Variants in MAST2 observed in about 807,000 individuals in gnomAD.
MAST2 encodes the protein microtubule associated serine/threonine kinase 2, also known as microtubule-associated serine/threonine-protein kinase 2.
MAST2 carries 70 observed loss-of-function variants against 147.4 expected under a neutral mutation model. The ratio of observed to expected loss-of-function variants is 0.47; its 90% CI spans 0.39 to 0.58. The LOEUF (loss-of-function observed/expected upper bound fraction) is 0.58, where lower values mean the gene tolerates loss of function less well. MAST2 is among the 20% of genes least tolerant of loss of function. MAST2 has a pLI of 0.00. For synonymous variants in MAST2, 869 were observed against 896.8 expected (o/e 0.97, Z 0.55); for missense variants, 2,080 against 2,302.3 (o/e 0.90, Z 1.98).
chr1:46,031,294 TG>T lies in MAST2; in HGVS notation c.2992+6del, dbSNP rs1646654104. On this transcript the variant is annotated splice_donor_5th_base_variant and intron_variant, in intron 23 of 28. Coordinates refer to ENST00000361297, the MANE Select transcript of MAST2 (RefSeq NM_015112.3). This position sits in a 1 kb window ranked among gnomAD's most constrained non-coding sequence, Gnocchi z 4.1. ...CGGAGCAGTGGTTCCAGTCCAGGTATGGCCCAGTGGGCGGCCAAACGACCTA... is the reference window on the plus strand; with the variant it reads ...CGGAGCAGTGGTTCCAGTCCAGGTATGCCCAGTGGGCGGCCAAACGACCTA... The T allele has an allele frequency of 6.5e-7, 1 of 1,541,070 alleles. No homozygotes were observed. Among genetic ancestry groups the T allele is most frequent in the African/African-American group, 1.4e-5 (1 of 73,144 alleles).
intron 5 of MAST2, among the ~76,000 whole-genome samples, chr1:45,985,453 C>T (rs943820207): frequency 6.6e-6 from 1 of 152,220 alleles, no homozygotes; most frequent in African/African-American, 2.4e-5. Context: ...ATTGTGAATA[C>T]ATCTGTCATC....
In MAST2 at chr1:45,803,625, T is replaced by A. The variant is rs1285589634; in HGVS notation, c.-271T>A. ...CGAAGGCTGGCTGTAGGCAGGCGGC[T>A]GAGCCGGCGGCGGGTGGCCTGCCCA... is the stretch of plus-strand genomic sequence containing the variant. On this transcript the variant is annotated 5_prime_UTR_variant, in exon 1 of 29. Coordinates refer to ENST00000361297, the MANE Select transcript of MAST2 (RefSeq NM_015112.3). 1 of 228,664 alleles carries A rather than the reference T, an allele frequency of 4.4e-6. No individual in the cohort carries two copies. Among genetic ancestry groups the A allele is most frequent in the Non-Finnish European group, 8.4e-6 (1 of 118,958 alleles). The allele number at this position is 228,664 out of a possible 1,614,324, so 14.2% of individuals were successfully genotyped here.
At chr1:45,954,699 G>A (rs1407481118) in intron 4 of MAST2, among the ~76,000 whole-genome samples, 1 of 152,176 alleles carries the variant, frequency 6.6e-6, no homozygotes, top group Non-Finnish European at 1.5e-5. Context: ...GTTCCTTGTT[G>A]TGGATCTCAG....
chr1:45,967,098 G>C (rs1273333901), intron 5 of MAST2, among the ~76,000 whole-genome samples: 1 of 151,546 alleles, frequency 6.6e-6, no homozygotes, highest in Non-Finnish European at 1.5e-5. Flanking sequence ...TTTTGAGAGA[G>C]AGTCTCACTC....
At chr1:45,898,955 G>T (rs1649241439) in intron 4 of MAST2, among the ~76,000 whole-genome samples, 1 of 152,088 alleles carries the variant, frequency 6.6e-6, no homozygotes, top group African/African-American at 2.4e-5. Flanking sequence ...CTTTTAACAG[G>T]CCAGATTTCC....
chr1:45,917,692 A>G (rs894663983), intron 4 of MAST2, among the ~76,000 whole-genome samples: 3 of 152,166 alleles, frequency 2.0e-5, no homozygotes, highest in African/African-American at 4.8e-5. Flanking sequence ...GTTGTATTCA[A>G]AATGTCAGGA....
In MAST2 at chr1:46,030,764, G is replaced by T; in HGVS notation, c.2708+3G>T. The T allele has an allele frequency of 1.3e-6, 2 of 1,570,768 alleles. No individual in the cohort carries two copies. The highest frequency in any genetic ancestry group is 1.7e-6 in the Non-Finnish European group (2 of 1,162,890). The stretch of plus-strand genomic sequence containing the variant: ...TGGGTGATTGGCTCCCCTGAGATGT[G>T]AGCACCCAGAGTTCACCCAGGGTGG... On this transcript the variant is annotated splice_donor_region_variant and intron_variant, in intron 22 of 28. Transcript: ENST00000361297.
rs1341744018 is a variant in MAST2, at chr1:46,008,354, A to C, written c.961A>C (p.Lys321Gln). 2.5e-6 allele frequency: 4 copies of C among 1,612,530 alleles called. No homozygotes were observed. The highest frequency in any genetic ancestry group is 3.4e-6 in the Non-Finnish European group (4 of 1,178,620). The change falls in exon 9 of 29, where the codon AAA becomes CAA. Residue 321 changes from lysine to glutamine, a missense_variant. Transcript: ENST00000361297. The part of the protein sequence containing the change: ...SEIIMMNHVY[K>Q]ERFPKATAQM... ...AATAATAATGATGAATCATGTTTAC[A>C]AAGAAAGATTCCCAAAGGTAAGGAT...
intron 3 of MAST2, among the ~76,000 whole-genome samples, chr1:45,868,711 T>C (rs1461981981): frequency 2.6e-5 from 4 of 152,208 alleles, no homozygotes; most frequent in Non-Finnish European, 2.9e-5. Context: ...TGTCATAAAT[T>C]ATGGTCATCT....
chr1:45,878,812 A>T (rs1403749064), intron 3 of MAST2, among the ~76,000 whole-genome samples: 6 of 152,132 alleles, frequency 3.9e-5, no homozygotes, highest in Admixed American at 3.9e-4. Context: ...AAAACGATAA[A>T]ACATTGCTTA....
chr1:45,911,560 T>G (rs1274519985), intron 4 of MAST2, among the ~76,000 whole-genome samples: 1 of 152,172 alleles, frequency 6.6e-6, no homozygotes, highest in Non-Finnish European at 1.5e-5. Context: ...TGCTCCAGTT[T>G]ACCAACTTGG....
intron 19 of MAST2, 97 bp downstream of exon 19, chr1:46,029,664 C>T (rs1471592748): frequency 2.2e-6 from 3 of 1,377,726 alleles, no homozygotes; most frequent in Admixed American, 4.1e-5. Context: ...TTACGGGCAG[C>T]CCCTCTGGAT....
rs761624505 is a variant in MAST2, at chr1:46,022,045, C to T, written c.1386C>T (p.Ile462=). 17 of 1,614,090 alleles carry T rather than the reference C, an allele frequency of 1.1e-5. No individual in the cohort carries two copies. The highest frequency in any genetic ancestry group is 8.9e-5 in the East Asian group (4 of 44,898). The change falls in exon 12 of 29, where the codon ATC becomes ATT. Residue 462 remains isoleucine, a synonymous_variant. Coordinates refer to ENST00000361297, the MANE Select transcript of MAST2 (RefSeq NM_015112.3). ...QGIKCDIPRY[I]VSQLGLTRDP... The stretch of plus-strand genomic sequence containing the variant: ...TTAAATGTGACATTCCCCGCTACAT[C>T]GTTAGCCAGCTGGGCCTCACCCGGG...
In MAST2 at chr1:45,867,002, C is replaced by T. The variant is rs185397695; in HGVS notation, c.469-15362C>T. 7.2e-5 allele frequency among the ~76,000 whole-genome samples: 11 copies of T among 152,228 alleles called. No individual in the cohort carries two copies. The East Asian group carries it at 1.4e-3, about 19-fold the overall frequency. ...CTGACCTCAGGTGATCCACCCGCCTCGGCCTCCCAATTGCTGGGATTGCAG... is the reference window on the plus strand; with the variant it reads ...CTGACCTCAGGTGATCCACCCGCCTTGGCCTCCCAATTGCTGGGATTGCAG... On this transcript the variant is annotated intron_variant, in intron 3 of 28. Transcript: ENST00000361297.
At chr1:45,805,119 G>T (rs148644635) in intron 1 of MAST2, among the ~76,000 whole-genome samples, 1 of 144,414 alleles carries the variant, frequency 6.9e-6, no homozygotes, top group Non-Finnish European at 1.5e-5. Context: ...GCATTATTTC[G>T]GCTCACTGCA....
rs78478084 is a variant in MAST2 at position 46,026,452 on chromosome 1, G to A, written c.1919+637G>A. 2.0e-4 allele frequency among the ~76,000 whole-genome samples: 31 copies of A among 152,252 alleles called. No individual in the cohort carries two copies. In the East Asian group the frequency reaches 5.8e-3, roughly 28 times the overall value. On this transcript the variant is annotated intron_variant, in intron 16 of 28. Coordinates refer to ENST00000361297, the MANE Select transcript of MAST2 (RefSeq NM_015112.3). Reference sequence around the variant, plus strand: ...CATCAAGGGCCCTTTTGTTATATTTGGGTTTTATTCTAAAGGGGCCTAGAG... The same window carrying A: ...CATCAAGGGCCCTTTTGTTATATTTAGGTTTTATTCTAAAGGGGCCTAGAG...
chr1:45,879,548 G>T lies in MAST2; in HGVS notation c.469-2816G>T, dbSNP rs371447277. Among the ~76,000 whole-genome samples, 460 of 141,822 alleles carry T rather than the reference G, an allele frequency of 3.2e-3. 2 individuals carry two copies. Among genetic ancestry groups the T allele is most frequent in the African/African-American group, 0.011 (416 of 37,952 alleles). 93.0% of individuals were successfully genotyped at this position (141,822 alleles called of 152,430 possible). A position where few individuals can be genotyped will look rare whatever the true frequency, so the allele number is the denominator to read the frequency against. On this transcript the variant is annotated intron_variant, in intron 3 of 28. Coordinates refer to ENST00000361297, the MANE Select transcript of MAST2 (RefSeq NM_015112.3). ...AGATTGCACCACTGCGCTCCAGCCT[G>T]GGTGACAGAGCGAGACTCCATCTCA...
At chr1:45,940,900 T>C (rs1395650809) in intron 4 of MAST2, among the ~76,000 whole-genome samples, 1 of 152,158 alleles carries the variant, frequency 6.6e-6, no homozygotes, top group Non-Finnish European at 1.5e-5. Flanking sequence ...ATTACAGGCG[T>C]GAGCCACCGC....
intron 9 of MAST2, 32 bp from the exon 10 acceptor site, chr1:46,010,697 AG>A: frequency 1.3e-6 from 2 of 1,595,270 alleles, no homozygotes; most frequent in Non-Finnish European, 1.7e-6. Context: ...TGGAACTAGA[AG>A]GGAAGTGTTT....
Sources: gnomAD v4.1 joint callset for allele counts (sites outside exome capture counted in the v4.1 genomes callset) on GRCh38, gnomAD v4.1.1 for gene constraint, Gnocchi (gnomAD v3.1) non-coding constraint, MANE v1.5 for transcripts, NCBI Gene and HGNC (gene_info 2026-07-23, HGNC 2026-07-21) for gene names.